The following SHF variants were observed in gnomAD, a reference collection of about 807,000 sequenced individuals.
SHF encodes SH2 domain-containing adapter protein F.
SHF carries 30 observed loss-of-function variants against 42.4 expected under a neutral mutation model. The ratio of observed to expected loss-of-function variants is 0.71; its 90% confidence interval spans 0.53 to 0.96. The LOEUF is 0.96. SHF is among the 40% of genes least tolerant of loss of function. SHF has a pLI of 0.00. For missense variants in SHF, 598 were observed against 634.0 expected (o/e 0.94, Z 0.61); for synonymous variants, 264 against 269.9 (o/e 0.98, Z 0.21).
At position 45,178,431 on chromosome 15, in the gene SHF, A is replaced by G. The variant is rs1353296652; in HGVS notation, c.499-125T>C. 7.8e-6 allele frequency: 9 copies of G among 1,155,328 alleles called. No individual in the cohort carries two copies. The South Asian group carries it at 1.1e-4, about 14-fold the overall frequency. 71.6% of individuals were successfully genotyped at this position (1,155,328 alleles called of 1,614,324 possible). A position where few individuals can be genotyped will look rare whatever the true frequency, so the allele number is the denominator to read the frequency against. On this transcript the variant is annotated intron_variant, in intron 1 of 6. Coordinates refer to ENST00000690270, the MANE Select transcript of SHF (RefSeq NM_001394037.1). The stretch of plus-strand genomic sequence containing the variant: ...CTGCCTTCGACCCAGACCCCCAGGT[A>G]CTCAAAGGAAGGCTCTGAGCTTGGA...
At chr15:45,180,395 C>T (rs929416907) in intron 1 of SHF, among the ~76,000 whole-genome samples, 15 of 152,210 alleles carry the variant, frequency 9.9e-5, no homozygotes, top group Non-Finnish European at 1.8e-4. Flanking sequence ...AGCCCACCTT[C>T]GGTGATTCTG....
In SHF at chr15:45,187,584, A is replaced by AC. The variant is rs1403488299; in HGVS notation, c.367dup (p.Val123GlyfsTer32). On this transcript the variant is annotated frameshift_variant, in exon 1 of 7. Coordinates refer to ENST00000690270, the MANE Select transcript of SHF (RefSeq NM_001394037.1). LOFTEE classifies it high-confidence loss of function. ...CGGGGGCGGCGTGGGTCCGGGGGCG[A>AC]CAGGGGTGGCGAGGGCGGCGGAGCC... is the stretch of plus-strand genomic sequence containing the variant. The AC allele has an allele frequency of 8.1e-7, 1 of 1,229,822 alleles. No homozygotes were observed. Among genetic ancestry groups the AC allele is most frequent in the Non-Finnish European group, 1.0e-6 (1 of 986,864 alleles). 76.2% of individuals were successfully genotyped at this position (1,229,822 alleles called of 1,614,324 possible).
chr15:45,196,967 G>GA (rs971130943), intron 2 of SHF, among the ~76,000 whole-genome samples: 1 of 150,188 alleles, frequency 6.7e-6, no homozygotes, highest in African/African-American at 2.5e-5. Context: ...TAGTAAAAGG[G>GA]AAAAAAAGAA....
chr15:45,175,748 C>A (rs1363763441), intron 2 of SHF, among the ~76,000 whole-genome samples: 1 of 152,204 alleles, frequency 6.6e-6, no homozygotes, highest in Non-Finnish European at 1.5e-5. Context: ...TTGTCCACTT[C>A]CTCCCTGATG....
At chr15:45,170,136 T>G (rs1897396577) in intron 6 of SHF, 1 of 208,404 alleles carries the variant, frequency 4.8e-6, no homozygotes, top group South Asian at 7.0e-5. Context: ...CCCCTTACCT[T>G]GGCCTGTACC....
chr15:45,172,328 A>G lies in SHF; in HGVS notation c.989-10T>C. On this transcript the variant is annotated splice_polypyrimidine_tract_variant and intron_variant, in intron 4 of 6. Transcript: ENST00000690270. ...GGTCCTTCAAACTGGGCTGTGGGGAACATATCAATCATGGACTCTAAGGAC... is the reference window on the plus strand; with the variant it reads ...GGTCCTTCAAACTGGGCTGTGGGGAGCATATCAATCATGGACTCTAAGGAC... 1 of 1,585,274 alleles carries G rather than the reference A, an allele frequency of 6.3e-7. No homozygotes were observed. The highest frequency in any genetic ancestry group is 1.3e-5 in the African/African-American group (1 of 74,324).
intron 2 of SHF, among the ~76,000 whole-genome samples, chr15:45,197,467 C>T (rs1253552173): frequency 3.3e-5 from 5 of 152,096 alleles, no homozygotes; most frequent in Non-Finnish European, 7.3e-5. Context: ...AAGGGGGACA[C>T]GGGAGTGGAG....
chr15:45,177,552 T>G (rs2141369602), intron 2 of SHF, among the ~76,000 whole-genome samples: 1 of 152,276 alleles, frequency 6.6e-6, no homozygotes, highest in South Asian at 2.1e-4. Flanking sequence ...TCTCGGACTC[T>G]CTCATCTAGG....
intron 1 of SHF, among the ~76,000 whole-genome samples, chr15:45,184,396 C>G (rs549525836): frequency 2.6e-5 from 4 of 152,286 alleles, no homozygotes; most frequent in African/African-American, 7.2e-5. Context: ...CTGTGAAACC[C>G]TACGAGAATC....
upstream of SHF, among the ~76,000 whole-genome samples, chr15:45,191,254 C>T (rs1488756964): frequency 6.6e-6 from 1 of 152,206 alleles, no homozygotes; most frequent in African/African-American, 2.4e-5. Context: ...CAGTACGTTG[C>T]TCAGACTGGT....
chr15:45,198,288 T>TAAAAA (rs1330053696), intron 2 of SHF, among the ~76,000 whole-genome samples: 1 of 150,572 alleles, frequency 6.6e-6, no homozygotes, highest in Non-Finnish European at 1.5e-5. Flanking sequence ...AATAAATAAG[T>TAAAAA]AAAAATAAAA....
chr15:45,176,214 C>A (rs142792312), intron 2 of SHF, among the ~76,000 whole-genome samples: 122 of 151,984 alleles, frequency 8.0e-4, no homozygotes, highest in Admixed American at 1.5e-3. Flanking sequence ...CGACAAGTTA[C>A]GTTCATCATC....
intron 5 of SHF, 35 bp from the exon 6 acceptor site, chr15:45,172,037 C>T (rs1414196615): frequency 6.2e-7 from 1 of 1,613,716 alleles, no homozygotes; most frequent in African/African-American, 1.3e-5. Context: ...GGCATCTCTG[C>T]TGGGTCCCTC....
At chr15:45,201,102 G>T (rs560597901) in exon 1 of SHF, 57 of 341,780 alleles carry the variant, frequency 1.7e-4, no homozygotes, top group South Asian at 1.3e-3. Flanking sequence ...CCATCTAGAC[G>T]AGAAGGGCAA....
At chr15:45,191,101 C>T (rs1423673295), upstream of SHF, among the ~76,000 whole-genome samples, 1 of 152,140 alleles carries the variant, frequency 6.6e-6, no homozygotes, top group Non-Finnish European at 1.5e-5. Flanking sequence ...GTCTCACTCT[C>T]TTACCCAGGC....
At chr15:45,169,234 C>T (rs1215770278) in intron 6 of SHF, among the ~76,000 whole-genome samples, 1 of 152,184 alleles carries the variant, frequency 6.6e-6, no homozygotes, top group African/African-American at 2.4e-5. Flanking sequence ...TGACTGGGTA[C>T]AAGGCTCTGC....
intron 1 of SHF, chr15:45,199,225 C>T (rs1320635413): frequency 5.9e-6 from 5 of 845,548 alleles, no homozygotes; most frequent in South Asian, 2.1e-5. Context: ...AGCCCTGACT[C>T]CTCCTGACTC....
intron 2 of SHF, among the ~76,000 whole-genome samples, chr15:45,198,238 C>T (rs903018295): frequency 1.3e-5 from 2 of 152,030 alleles, no homozygotes; most frequent in Admixed American, 1.3e-4. Context: ...CGCGCCATTG[C>T]ACTCCAGCCT....
intron 2 of SHF, among the ~76,000 whole-genome samples, chr15:45,196,562 G>A (rs1032875376): frequency 3.3e-5 from 5 of 152,126 alleles, no homozygotes; most frequent in Admixed American, 6.5e-5. Context: ...CAAGTCAGTT[G>A]CTTTTACCAA....
Sources: gnomAD v4.1 joint callset for allele counts (sites outside exome capture counted in the v4.1 genomes callset) on GRCh38, gnomAD v4.1.1 for gene constraint, MANE v1.5 for transcripts, NCBI Gene and HGNC (gene_info 2026-07-23, HGNC 2026-07-21) for gene names.